The following FIGLA variants were observed in gnomAD, a reference collection of about 807,000 sequenced individuals.
FIGLA encodes factor in the germline alpha.
FIGLA carries 17 observed loss-of-function variants against 21.5 expected under a neutral mutation model. The ratio of observed to expected loss-of-function variants is 0.79; its 90% CI spans 0.54 to 1.19. FIGLA has a LOEUF of 1.19. Ranked by LOEUF, FIGLA falls within the 50% of genes most tolerant of loss-of-function variation. The pLI, the probability that FIGLA is intolerant of heterozygous loss-of-function variation, is 0.00. For synonymous variants in FIGLA, 129 were observed against 117.6 expected, an observed-to-expected ratio of 1.10 and a Z score of -0.63; for missense variants, 282 against 285.0, an observed-to-expected ratio of 0.99 and a Z score of 0.08.
In FIGLA at chr2:70,777,527, C is replaced by A. The variant is rs551292021; in HGVS notation, c.644+110G>T. ...TACTACTTTTTTACCCATTAAGATT[C>A]CTTCTTTTAATAGAGCTCATTGCTA... On this transcript the variant is annotated intron_variant, in intron 4 of 4. Transcript: ENST00000332372. 9.9e-6 allele frequency: 14 copies of A among 1,415,326 alleles called. No individual in the cohort carries two copies. In the South Asian group the frequency reaches 2.0e-4, roughly 20 times the overall value. The allele number at this position is 1,415,326 out of a possible 1,614,324, so 87.7% of individuals were successfully genotyped here. A position where few individuals can be genotyped will look rare whatever the true frequency, so the allele number is the denominator to read the frequency against.
intron 3 of FIGLA, among the ~76,000 whole-genome samples, chr2:70,784,578 G>A (rs1675911242): frequency 6.6e-6 from 1 of 152,144 alleles, no homozygotes; most frequent in African/African-American, 2.4e-5. Flanking sequence ...TTAAACCTCA[G>A]TAGTCTGTTC....
intron 3 of FIGLA, among the ~76,000 whole-genome samples, chr2:70,781,236 G>A (rs979250920): frequency 7.2e-5 from 11 of 152,128 alleles, no homozygotes; most frequent in African/African-American, 2.7e-4. Flanking sequence ...CATGTGGTGA[G>A]GGGATGGCAA....
chr2:70,781,119 A>C (rs1282787099), intron 3 of FIGLA, among the ~76,000 whole-genome samples: 1 of 152,202 alleles, frequency 6.6e-6, no homozygotes. Flanking sequence ...GAGAGGAGGA[A>C]TCCACATATG....
Position 70,785,541 on chromosome 2 carries a change from G to C in FIGLA, c.483C>G (p.Ser161Arg), listed in dbSNP as rs1553389839. Reference sequence around the variant, plus strand: ...CTTCATTCTTCAAGCCGAAAGCACAGCTGATATGTTGGGTGATGTTTCTTG... The same window carrying C: ...CTTCATTCTTCAAGCCGAAAGCACACCTGATATGTTGGGTGATGTTTCTTG... ...QLSRNITQHISCAFGLKNEEE... is the reference protein window; with the variant it reads ...QLSRNITQHIRCAFGLKNEEE... The change falls in exon 3 of 5, where the codon AGC becomes AGG. Residue 161 changes from serine to arginine, a missense_variant. Physicochemically the swap from Ser to Arg is moderately radical, Grantham distance 110. Coordinates refer to ENST00000332372, the MANE Select transcript of FIGLA (RefSeq NM_001004311.3). The C allele has an allele frequency of 6.2e-7, 1 of 1,613,974 alleles. No individual in the cohort carries two copies. The highest frequency in any genetic ancestry group is 8.5e-7 in the Non-Finnish European group (1 of 1,179,886).
At chr2:70,787,296 A>G (rs1237110408) in intron 2 of FIGLA, among the ~76,000 whole-genome samples, 1 of 152,110 alleles carries the variant, frequency 6.6e-6, no homozygotes, top group African/African-American at 2.4e-5. Context: ...GAAACAACCA[A>G]AGTGCTTTTA....
Position 70,790,270 on chromosome 2 carries a change from T to C in FIGLA, c.231+138A>G, listed in dbSNP as rs1311651559. ...GGCCACTGCCATTCTCCTGACAAGCTGGGGGCGTGGGAGGCCTCGGGAGCT... is the reference window on the plus strand; with the variant it reads ...GGCCACTGCCATTCTCCTGACAAGCCGGGGGCGTGGGAGGCCTCGGGAGCT... On this transcript the variant is annotated intron_variant, in intron 1 of 4. Transcript: ENST00000332372. 7 of 746,028 alleles carry C rather than the reference T, an allele frequency of 9.4e-6. No individual in the cohort carries two copies. In the South Asian group the frequency reaches 1.1e-4, roughly 11 times the overall value. 46.2% of individuals were successfully genotyped at this position (746,028 alleles called of 1,614,324 possible). A position where few individuals can be genotyped will look rare whatever the true frequency, so the allele number is the denominator to read the frequency against.
chr2:70,781,468 A>C (rs1675855222), intron 3 of FIGLA, among the ~76,000 whole-genome samples: 1 of 152,224 alleles, frequency 6.6e-6, no homozygotes, highest in Admixed American at 6.5e-5. Context: ...AAATGATAGT[A>C]TATAATAATC....
chr2:70,790,508 C>A lies in FIGLA; in HGVS notation c.131G>T (p.Cys44Phe). 1 of 1,541,986 alleles carries A rather than the reference C, an allele frequency of 6.5e-7. No individual in the cohort carries two copies. The change falls in exon 1 of 5, where the codon TGC (cysteine) becomes TTC (phenylalanine). Residue 44 changes from cysteine (C) to phenylalanine (F), a missense_variant. Transcript: ENST00000332372. Reference sequence around the variant, plus strand: ...GCCCGAGGGCAGCCGCTTGAGCCGGCAGACAGCGGCCAGCTGGGGCAGCGG... The same window carrying A: ...GCCCGAGGGCAGCCGCTTGAGCCGGAAGACAGCGGCCAGCTGGGGCAGCGG... ...FGPLPQLAAV[C>F]RLKRLPSGGY...
intron 3 of FIGLA, among the ~76,000 whole-genome samples, chr2:70,784,848 C>T (rs1324751735): frequency 2.0e-5 from 3 of 152,066 alleles, no homozygotes; most frequent in Non-Finnish European, 4.4e-5. Flanking sequence ...GCTGCCACTT[C>T]CAGCTGTCTC....
chr2:70,786,641 C>G (rs2104601577), intron 2 of FIGLA, among the ~76,000 whole-genome samples: 1 of 152,256 alleles, frequency 6.6e-6, no homozygotes, highest in South Asian at 2.1e-4. Context: ...TTGCCACTTT[C>G]CTCTGAATCT....
chr2:70,789,020 C>T (rs782107857), intron 1 of FIGLA, among the ~76,000 whole-genome samples: 32 of 152,148 alleles, frequency 2.1e-4, no homozygotes, highest in Non-Finnish European at 3.8e-4. Flanking sequence ...AGACTGAATA[C>T]ATTATGGTCC....
chr2:70,787,736 C>T lies in FIGLA; in HGVS notation c.297G>A (p.Arg99=), dbSNP rs868964333. 6.2e-7 allele frequency: 1 copy of T among 1,612,622 alleles called. No homozygotes were observed. The highest frequency in any genetic ancestry group is 8.5e-7 in the Non-Finnish European group (1 of 1,179,466). The change falls in exon 2 of 5, where the codon AGG becomes AGA. Residue 99 remains arginine (R), a synonymous_variant. Transcript: ENST00000332372. ...TAAGGATATCAACTTTGCTGGGCTTCCTGCTTTGGGGAAGAAATGGCACAA... is the reference window on the plus strand; with the variant it reads ...TAAGGATATCAACTTTGCTGGGCTTTCTGCTTTGGGGAAGAAATGGCACAA... ...KALVPFLPQS[R]KPSKVDILKG...
rs545871635 is a variant in FIGLA at position 70,777,958 on chromosome 2, T to C, written c.610-287A>G. 4.6e-5 allele frequency among the ~76,000 whole-genome samples: 7 copies of C among 152,328 alleles called. No individual in the cohort carries two copies. In the South Asian group the frequency reaches 1.5e-3, roughly 32 times the overall value. ...CAAGATCATTTTGTCTCTGCTCAATTTTCTGAAACTCTCAACTTGAAGAAA... is the reference window on the plus strand; with the variant it reads ...CAAGATCATTTTGTCTCTGCTCAATCTTCTGAAACTCTCAACTTGAAGAAA... On this transcript the variant is annotated intron_variant, in intron 3 of 4. Transcript: ENST00000332372.
At chr2:70,780,991 G>C (rs1234238850) in intron 3 of FIGLA, among the ~76,000 whole-genome samples, 1 of 152,194 alleles carries the variant, frequency 6.6e-6, no homozygotes, top group Non-Finnish European at 1.5e-5. Flanking sequence ...CTGGCCTGGG[G>C]ACTCAGAGCC....
chr2:70,781,846 G>A (rs1025199952), intron 3 of FIGLA, among the ~76,000 whole-genome samples: 1 of 152,146 alleles, frequency 6.6e-6, no homozygotes, highest in Non-Finnish European at 1.5e-5. Flanking sequence ...TCTTTGTGGT[G>A]ATGGAACAGT....
intron 1 of FIGLA, among the ~76,000 whole-genome samples, chr2:70,788,034 T>C (rs1167357618): frequency 1.3e-5 from 2 of 152,220 alleles, no homozygotes; most frequent in Non-Finnish European, 2.9e-5. Context: ...TTCATGTTCA[T>C]GCTGAGCTCA....
intron 3 of FIGLA, among the ~76,000 whole-genome samples, chr2:70,785,097 G>C (rs1223378827): frequency 6.6e-6 from 1 of 151,382 alleles, no homozygotes; most frequent in Non-Finnish European, 1.5e-5. Context: ...GGGTGGTTCT[G>C]GGGTTAAATA....
At chr2:70,788,274 A>G (rs1675993096) in intron 1 of FIGLA, among the ~76,000 whole-genome samples, 1 of 152,190 alleles carries the variant, frequency 6.6e-6, no homozygotes, top group Non-Finnish European at 1.5e-5. Flanking sequence ...AAGATACCTC[A>G]CCCAAACCTG....
At chr2:70,784,308 G>C (rs1675907045) in intron 3 of FIGLA, among the ~76,000 whole-genome samples, 1 of 152,116 alleles carries the variant, frequency 6.6e-6, no homozygotes, top group South Asian at 2.1e-4. Flanking sequence ...ACTGGCTACA[G>C]AGCTAGAATA....
Sources: allele counts gnomAD v4.1 joint callset (sites outside exome capture counted in the v4.1 genomes callset), GRCh38; gene constraint gnomAD v4.1.1; transcripts MANE v1.5; gene names NCBI Gene and HGNC (gene_info 2026-07-23, HGNC 2026-07-21).